Variants in KIAA1549 observed in about 807,000 individuals in gnomAD.
KIAA1549 encodes the protein UPF0606 protein KIAA1549.
In KIAA1549, 70 loss-of-function variants were observed where a neutral mutation model predicts 156.4. The ratio of observed to expected loss-of-function variants is 0.45; its 90% CI spans 0.37 to 0.55. KIAA1549 has a LOEUF of 0.55. Ranked by LOEUF, KIAA1549 falls within the 20% of genes least tolerant of loss-of-function variation. The pLI, the probability that KIAA1549 is intolerant of heterozygous loss-of-function variation, is 0.00. For synonymous variants in KIAA1549, 1,103 were observed against 1,066.4 expected, an observed-to-expected ratio of 1.03 and a Z score of -0.67; for missense variants, 2,428 against 2,540.9, an observed-to-expected ratio of 0.96 and a Z score of 0.96.
intron 1 of KIAA1549, among the ~76,000 whole-genome samples, chr7:138,979,295 G>A (rs1814469642): frequency 6.6e-6 from 1 of 152,210 alleles, no homozygotes; most frequent in Non-Finnish European, 1.5e-5. Flanking sequence ...GATGGGCAGT[G>A]CAAACAGCTT....
At chr7:138,928,113 G>A (rs560967646) in intron 1 of KIAA1549, among the ~76,000 whole-genome samples, 2 of 151,404 alleles carry the variant, frequency 1.3e-5, no homozygotes, top group African/African-American at 4.8e-5. Context: ...AGTGGAGACG[G>A]GGTTTCACAG....
chr7:138,928,931 C>T (rs1333590496), intron 1 of KIAA1549, among the ~76,000 whole-genome samples: 1 of 152,158 alleles, frequency 6.6e-6, no homozygotes. Flanking sequence ...AAAATGTACA[C>T]ATCTTAACTA....
At chr7:138,861,949 A>G (rs1810598158) in intron 15 of KIAA1549, among the ~76,000 whole-genome samples, 1 of 152,146 alleles carries the variant, frequency 6.6e-6, no homozygotes, top group Non-Finnish European at 1.5e-5. Flanking sequence ...ACCAGAAAAA[A>G]ACTGCCAAAA....
intron 1 of KIAA1549, among the ~76,000 whole-genome samples, chr7:138,928,580 C>G (rs1258624562): frequency 6.6e-6 from 1 of 152,250 alleles, no homozygotes; most frequent in Non-Finnish European, 1.5e-5. Context: ...AGCCACCATG[C>G]CCAGCCTAAA....
intron 15 of KIAA1549, among the ~76,000 whole-genome samples, chr7:138,866,912 C>T (rs1810759444): frequency 6.6e-6 from 1 of 152,266 alleles, no homozygotes; most frequent in Admixed American, 6.5e-5. Flanking sequence ...AAGCGATTCT[C>T]CCACCTCAGC....
rs574528575 is a variant in KIAA1549 at position 138,885,956 on chromosome 7, C to G, written c.4033-4372G>C. ...GGATCTGAGGCTACCTCCCAGTGGA[C>G]AGTGTCGGAACTGAATTCAAGGACA... On this transcript the variant is annotated intron_variant, in intron 10 of 19. Coordinates refer to ENST00000422774, the MANE Select transcript of KIAA1549 (RefSeq NM_001164665.2). 1.1e-4 allele frequency among the ~76,000 whole-genome samples: 16 copies of G among 152,228 alleles called. No homozygotes were observed. In the East Asian group the frequency reaches 2.1e-3, roughly 20 times the overall value.
intron 12 of KIAA1549, among the ~76,000 whole-genome samples, chr7:138,878,218 G>C (rs1211340751): frequency 6.6e-6 from 1 of 152,204 alleles, no homozygotes; most frequent in Admixed American, 6.5e-5. Context: ...AGCCCCACAG[G>C]AGCCTTGAAG....
intron 10 of KIAA1549, among the ~76,000 whole-genome samples, chr7:138,883,775 G>A (rs961346191): frequency 6.6e-6 from 1 of 152,234 alleles, no homozygotes; most frequent in Non-Finnish European, 1.5e-5. Flanking sequence ...TCCATGGAAT[G>A]CCAAAAGCAA....
intron 16 of KIAA1549, among the ~76,000 whole-genome samples, chr7:138,857,165 G>A (rs181952068): frequency 3.5e-4 from 53 of 152,104 alleles, no homozygotes; most frequent in Non-Finnish European, 5.1e-4. Flanking sequence ...TACATGAGCC[G>A]ACTCCTCATA....
At position 138,918,970 on chromosome 7, in the gene KIAA1549, G is replaced by C; in HGVS notation, c.656C>G (p.Pro219Arg). 6.2e-7 allele frequency: 1 copy of C among 1,614,032 alleles called. No individual in the cohort carries two copies. Among genetic ancestry groups the C allele is most frequent in the Non-Finnish European group, 8.5e-7 (1 of 1,179,890 alleles). Residue 219 changes from proline to arginine, a missense_variant, in exon 2 of 20, where the codon CCA (proline) becomes CGA (arginine). Pro to Arg is a moderately radical substitution (Grantham distance 103). Coordinates refer to ENST00000422774, the MANE Select transcript of KIAA1549 (RefSeq NM_001164665.2). This position sits in a 1 kb window ranked among gnomAD's most constrained non-coding sequence, Gnocchi z 4.2. Reference sequence around the variant, plus strand: ...ACTGGCGGACTCAGCATATGCCGCTGGTTGTCGCGTTGTGTTCTGCCAGCC... The same window carrying C: ...ACTGGCGGACTCAGCATATGCCGCTCGTTGTCGCGTTGTGTTCTGCCAGCC... ...TSGWQNTTRQ[P>R]AAYAESASHF...
chr7:138,854,237 G>A lies in KIAA1549; in HGVS notation c.5248-1968C>T, dbSNP rs116610866. ...TTCTATTCAGTATAAAACACAGGCC[G>A]ACAGAGTGAGGAAGGCAAGTTAGAT... On this transcript the variant is annotated intron_variant, in intron 16 of 19. Transcript: ENST00000422774. Among the ~76,000 whole-genome samples the A allele has an allele frequency of 3.1e-3, 467 of 152,232 alleles. 1 individual carries two copies. The highest frequency in any genetic ancestry group is 4.5e-3 in the Non-Finnish European group (305 of 68,010).
intron 17 of KIAA1549, among the ~76,000 whole-genome samples, chr7:138,847,164 T>C (rs926144733): frequency 2.4e-4 from 37 of 152,188 alleles, no homozygotes; most frequent in Non-Finnish European, 1.3e-4. Context: ...CCTCTATTCT[T>C]AACATGTTTT....
intron 2 of KIAA1549, among the ~76,000 whole-genome samples, chr7:138,915,897 T>A (rs1812304255): frequency 6.6e-6 from 1 of 152,170 alleles, no homozygotes; most frequent in African/African-American, 2.4e-5. Flanking sequence ...TCGCGGGACA[T>A]GACCCTTGAA....
chr7:138,963,314 G>A (rs1813910456), intron 1 of KIAA1549, among the ~76,000 whole-genome samples: 1 of 152,224 alleles, frequency 6.6e-6, no homozygotes, highest in Non-Finnish European at 1.5e-5. Flanking sequence ...CTGCTGGTGG[G>A]AGGCAGAAGT....
At chr7:138,867,820 AT>A (rs1810794495) in intron 15 of KIAA1549, among the ~76,000 whole-genome samples, 154 bp downstream of exon 15, 1 of 152,154 alleles carries the variant, frequency 6.6e-6, no homozygotes, top group Non-Finnish European at 1.5e-5. Context: ...CACCCACTTC[AT>A]GACCTAGAGG....
chr7:138,859,008 AACACACAC>A (rs57352970), intron 16 of KIAA1549, among the ~76,000 whole-genome samples: 34,410 of 142,230 alleles, frequency 0.24, 4,140 homozygotes, highest in Admixed American at 0.3. Flanking sequence ...TCCATCTCAA[AACACACAC>A]ACACACACAC....
At chr7:138,903,794 T>TGC in intron 7 of KIAA1549, 58 bp from the exon 8 acceptor site, 1 of 10,866 alleles carries the variant, frequency 9.2e-5, no homozygotes, top group Non-Finnish European at 1.7e-4. Context: ...AAAAAAACAG[T>TGC]GTGTGTGTGT....
At chr7:138,881,643 G>C (rs930253724) in intron 10 of KIAA1549, 59 bp from the exon 11 acceptor site, 5 of 1,462,926 alleles carry the variant, frequency 3.4e-6, no homozygotes, top group Non-Finnish European at 4.7e-6. Context: ...CTGATGAGAG[G>C]AGCACAACTT....
intron 10 of KIAA1549, among the ~76,000 whole-genome samples, chr7:138,885,579 C>T (rs1248794638): frequency 2.6e-5 from 4 of 152,208 alleles, no homozygotes; most frequent in Admixed American, 6.5e-5. Flanking sequence ...CCAGACACAA[C>T]GGCAACCGTA....
Sources: gnomAD v4.1 joint callset for allele counts (sites outside exome capture counted in the v4.1 genomes callset) on GRCh38, gnomAD v4.1.1 for gene constraint, Gnocchi (gnomAD v3.1) non-coding constraint, MANE v1.5 for transcripts, NCBI Gene and HGNC (gene_info 2026-07-23, HGNC 2026-07-21) for gene names.